Variants in EFCAB8 observed in about 807,000 individuals in gnomAD.
EFCAB8 encodes EF-hand calcium-binding domain-containing protein 8.
Under a neutral mutation model 116.3 loss-of-function variants are expected in EFCAB8, and 100 were observed. The ratio of observed to expected loss-of-function variants is 0.86; its 90% CI spans 0.73 to 1.02. The LOEUF (loss-of-function observed/expected upper bound fraction) is 1.02, where lower values mean the gene tolerates loss of function less well. EFCAB8 is among the 50% of genes least tolerant of loss of function. The pLI, the probability that EFCAB8 is intolerant of heterozygous loss-of-function variation, is 0.00. For synonymous variants in EFCAB8, 558 were observed against 567.9 expected (o/e 0.98, Z 0.25); for missense variants, 1,320 against 1,416.9 (o/e 0.93, Z 1.10).
intron 9 of EFCAB8, among the ~76,000 whole-genome samples, 165 bp from the exon 10 acceptor site, chr20:32,896,289 C>T (rs181167701): frequency 5.7e-4 from 87 of 152,116 alleles, no homozygotes; most frequent in African/African-American, 2.0e-3. Flanking sequence ...GGGGGCACTC[C>T]GCTCAGCTCA....
intron 18 of EFCAB8, among the ~76,000 whole-genome samples, chr20:32,917,902 A>T (rs1469454630): frequency 6.6e-6 from 1 of 152,172 alleles, no homozygotes; most frequent in Non-Finnish European, 1.5e-5. Flanking sequence ...CCAAATTCCC[A>T]TATCTCAGCA....
chr20:32,942,830 G>A (rs544993563), intron 22 of EFCAB8, among the ~76,000 whole-genome samples: 17 of 152,080 alleles, frequency 1.1e-4, no homozygotes, highest in South Asian at 8.3e-4. Context: ...AGATAACAAC[G>A]TAGGTTTCTC....
At chr20:32,859,151 T>A (rs1037670931) in intron 1 of EFCAB8, 145 bp downstream of exon 1, 11 of 414,616 alleles carry the variant, frequency 2.7e-5, no homozygotes, top group Non-Finnish European at 3.9e-5. Context: ...GTCATCTGCC[T>A]CTACAAATTC....
At chr20:32,947,764 T>A (rs6088044) in intron 23 of EFCAB8, among the ~76,000 whole-genome samples, 103,343 of 151,736 alleles carry the variant, frequency 0.68, 35,979 homozygotes, top group African/African-American at 0.77. Context: ...AGTTCAAATC[T>A]CCAGCCTCAA....
At chr20:32,863,576 C>G (rs1984237211) in intron 1 of EFCAB8, among the ~76,000 whole-genome samples, 1 of 152,156 alleles carries the variant, frequency 6.6e-6, no homozygotes, top group Non-Finnish European at 1.5e-5. Context: ...GGCTCAAGTG[C>G]AAGCTTGGCA....
chr20:32,911,389 T>C (rs1442779650), intron 15 of EFCAB8, 91 bp from the exon 16 acceptor site: 2 of 1,163,978 alleles, frequency 1.7e-6, no homozygotes, highest in Non-Finnish European at 2.3e-6. Flanking sequence ...TCTCAGTGGA[T>C]GGAGGGGAGG....
intron 11 of EFCAB8, among the ~76,000 whole-genome samples, chr20:32,900,223 G>A (rs1986362962): frequency 6.6e-6 from 1 of 152,168 alleles, no homozygotes; most frequent in Non-Finnish European, 1.5e-5. Flanking sequence ...TCAATCCTGA[G>A]ATGATAAGGC....
chr20:32,946,033 T>C (rs1327958068), intron 23 of EFCAB8, among the ~76,000 whole-genome samples: 5 of 152,204 alleles, frequency 3.3e-5, no homozygotes, highest in South Asian at 2.1e-4. Flanking sequence ...AAGGCTAACA[T>C]TGGATATGTA....
At position 32,880,413 on chromosome 20, in the gene EFCAB8, C is replaced by T. The variant is rs115361607; in HGVS notation, c.431+1606C>T. Among the ~76,000 whole-genome samples, 955 of 152,078 alleles carry T rather than the reference C, an allele frequency of 6.3e-3. 9 individuals are homozygous for T. The highest frequency in any genetic ancestry group is 0.021 in the African/African-American group (874 of 41,456). ...CGTCCCAAGTAGCTGGGATTACGAACGCCTGCCACCATGCCTGACTAATTT... is the reference window on the plus strand; with the variant it reads ...CGTCCCAAGTAGCTGGGATTACGAATGCCTGCCACCATGCCTGACTAATTT... On this transcript the variant is annotated intron_variant, in intron 5 of 26. Transcript: ENST00000400522.
intron 23 of EFCAB8, among the ~76,000 whole-genome samples, chr20:32,956,003 A>C (rs2146304382): frequency 6.6e-6 from 1 of 152,078 alleles, no homozygotes; most frequent in East Asian, 1.9e-4. Flanking sequence ...GAAGTCAATC[A>C]TCTTGCTATT....
At position 32,931,303 on chromosome 20, in the gene EFCAB8, C is replaced by T. The variant is rs1345627258; in HGVS notation, c.2757C>T (p.Asn919=). The part of the protein sequence containing the change: ...RLLIPQQLGT[N]FPHYIPLEDK... ...TAATTCCTCAGCAACTTGGGACCAA[C>T]TTCCCACACTACATTCCCTTGGAGG... The change falls in exon 22 of 27, where the codon AAC becomes AAT. Residue 919 remains asparagine, a synonymous_variant. Transcript: ENST00000400522. The T allele has an allele frequency of 6.4e-7, 1 of 1,550,612 alleles. No homozygotes were observed. Among genetic ancestry groups the T allele is most frequent in the Non-Finnish European group, 8.7e-7 (1 of 1,146,366 alleles).
chr20:32,956,201 A>G (rs778561279), intron 23 of EFCAB8, among the ~76,000 whole-genome samples: 19 of 152,086 alleles, frequency 1.2e-4, no homozygotes, highest in Non-Finnish European at 2.6e-4. Flanking sequence ...CTTCCTGTAC[A>G]AGAATCTTAC....
At chr20:32,955,159 A>G (rs919835421) in intron 23 of EFCAB8, among the ~76,000 whole-genome samples, 12 of 152,184 alleles carry the variant, frequency 7.9e-5, no homozygotes, top group Non-Finnish European at 1.3e-4. Flanking sequence ...CCCTCCCCCT[A>G]AAGCCAAACC....
In EFCAB8 at chr20:32,961,209, G is replaced by A. The variant is rs546399124; in HGVS notation, c.3467G>A (p.Ser1156Asn). ...ACTCAGCAGCCTGACTTCCTGACCAGCAGGGGCCCAGACCAGCAAGACCAG... is the reference window on the plus strand; with the variant it reads ...ACTCAGCAGCCTGACTTCCTGACCAACAGGGGCCCAGACCAGCAAGACCAG... Reference protein sequence around the residue: ...MPTQQPDFLTSRGPDQQDQHI... With the variant: ...MPTQQPDFLTNRGPDQQDQHI... The change falls in exon 27 of 27, where the codon AGC (serine) becomes AAC (asparagine). Residue 1156 changes from serine (S) to asparagine (N), a missense_variant. Coordinates refer to ENST00000400522, the MANE Select transcript of EFCAB8 (RefSeq NM_001143967.2). The A allele has an allele frequency of 3.2e-5, 49 of 1,552,112 alleles. No homozygotes were observed. In the South Asian group the frequency reaches 4.3e-4, roughly 14 times the overall value.
chr20:32,941,479 A>G (rs1369344906), intron 22 of EFCAB8, among the ~76,000 whole-genome samples: 1 of 139,824 alleles, frequency 7.2e-6, no homozygotes, highest in Non-Finnish European at 1.6e-5. Context: ...CCCAAATGTC[A>G]ACTTCCAAAT....
chr20:32,924,924 C>G (rs1987613757), intron 20 of EFCAB8, among the ~76,000 whole-genome samples: 1 of 152,146 alleles, frequency 6.6e-6, no homozygotes, highest in Admixed American at 6.5e-5. Context: ...TCCCTTCTCT[C>G]TGGGGCACTT....
chr20:32,940,015 C>G (rs1195967213), intron 22 of EFCAB8, among the ~76,000 whole-genome samples: 2 of 72,754 alleles, frequency 2.7e-5, no homozygotes, highest in African/African-American at 6.8e-5. Context: ...CTCCCTCCCT[C>G]CCTCCCTCCC....
intron 7 of EFCAB8, among the ~76,000 whole-genome samples, chr20:32,889,948 C>T (rs1985830239): frequency 6.7e-6 from 1 of 149,112 alleles, no homozygotes; most frequent in Admixed American, 6.8e-5. Flanking sequence ...TTGCAGTAAG[C>T]TGAGATCGCG....
At chr20:32,920,006 C>G (rs1987371430) in intron 19 of EFCAB8, 72 bp from the exon 20 acceptor site, 22 of 1,544,338 alleles carry the variant, frequency 1.4e-5, no homozygotes, top group Non-Finnish European at 1.8e-5. Context: ...TATCATCTTC[C>G]TCTGGTCTCT....
Sources: allele counts gnomAD v4.1 joint callset (sites outside exome capture counted in the v4.1 genomes callset), GRCh38; gene constraint gnomAD v4.1.1; transcripts MANE v1.5; gene names NCBI Gene and HGNC (gene_info 2026-07-23, HGNC 2026-07-21).